Variants in CALN1 observed in about 807,000 individuals in gnomAD.
CALN1 encodes the protein calcium-binding protein 8.
CALN1 carries 17 observed loss-of-function variants against 30.6 expected under a neutral mutation model. The observed-to-expected ratio is 0.56, with a 90% CI of 0.38 to 0.83. CALN1 has a LOEUF of 0.83. Among genes scored for constraint, CALN1 ranks in the 40% least tolerant of loss-of-function variants. The pLI, the probability that CALN1 is intolerant of heterozygous loss-of-function variation, is 0.00. For synonymous variants in CALN1, 156 were observed against 131.4 expected (o/e 1.19, Z -1.28); for missense variants, 291 against 354.9 (o/e 0.82, Z 1.45).
chr7:72,318,345 T>G (rs1800630542), intron 2 of CALN1, among the ~76,000 whole-genome samples: 1 of 152,304 alleles, frequency 6.6e-6, no homozygotes, highest in Admixed American at 6.5e-5. Context: ...TCTCCAATAG[T>G]GTCTCAACTA....
At chr7:72,381,121 C>A (rs1271929587) in intron 2 of CALN1, among the ~76,000 whole-genome samples, 1 of 152,144 alleles carries the variant, frequency 6.6e-6, no homozygotes. Flanking sequence ...TCCCAGAATG[C>A]AGACGGAAAG....
intron 3 of CALN1, among the ~76,000 whole-genome samples, chr7:72,212,000 T>C (rs1226100507): frequency 6.6e-6 from 1 of 152,188 alleles, no homozygotes; most frequent in Non-Finnish European, 1.5e-5. Context: ...AACCGTTTTT[T>C]ATGGCTCCTA....
At chr7:72,297,993 A>G (rs1020751128) in intron 2 of CALN1, among the ~76,000 whole-genome samples, 1 of 152,242 alleles carries the variant, frequency 6.6e-6, no homozygotes. Context: ...TAGAGTTTGT[A>G]GATAGTGCAC....
In CALN1 at chr7:72,060,497, C is replaced by T. The variant is rs117194821; in HGVS notation, c.389-36728G>A. On this transcript the variant is annotated intron_variant, in intron 4 of 6. Coordinates refer to ENST00000395275, the MANE Select transcript of CALN1 (RefSeq NM_031468.4). The stretch of plus-strand genomic sequence containing the variant: ...TACCCCGCCATTTTGTGTATGAAAT[C>T]CTGGGCTCACCTGTAAGTTGTTCAT... Among the ~76,000 whole-genome samples the T allele has an allele frequency of 2.6e-4, 39 of 152,220 alleles. No homozygotes were observed. In the East Asian group the frequency reaches 3.7e-3, roughly 14 times the overall value.
intron 2 of CALN1, among the ~76,000 whole-genome samples, chr7:72,380,145 T>C (rs781381003): frequency 3.3e-5 from 5 of 152,146 alleles, no homozygotes; most frequent in Admixed American, 2.6e-4. Flanking sequence ...GAAAATCCAA[T>C]AGTCAGACAA....
chr7:72,336,279 G>C (rs577090169), intron 2 of CALN1, among the ~76,000 whole-genome samples: 1 of 152,298 alleles, frequency 6.6e-6, no homozygotes, highest in East Asian at 1.9e-4. Flanking sequence ...CCTGGGCTGC[G>C]GTGCGGCTCC....
At chr7:72,463,899 G>A in the CALN1 span, among the ~76,000 whole-genome samples, 1 of 146,508 alleles carries the variant, frequency 6.8e-6, no homozygotes, top group Admixed American at 6.9e-5. Context: ...CTTAGAAGCA[G>A]GAGGATCACT....
chr7:72,157,271 G>C (rs1787765847), intron 3 of CALN1, among the ~76,000 whole-genome samples: 1 of 152,132 alleles, frequency 6.6e-6, no homozygotes, highest in Non-Finnish European at 1.5e-5. Context: ...ATAAGACATG[G>C]TCCATGTCCT....
At chr7:72,261,062 C>CT (rs1392575605) in intron 3 of CALN1, among the ~76,000 whole-genome samples, 1 of 152,206 alleles carries the variant, frequency 6.6e-6, no homozygotes, top group Non-Finnish European at 1.5e-5. Context: ...AATCCCAGCA[C>CT]TTTGAGAGGC....
intron 5 of CALN1, among the ~76,000 whole-genome samples, chr7:71,862,698 G>T (rs994929190): frequency 2.0e-5 from 3 of 152,174 alleles, no homozygotes; most frequent in African/African-American, 7.2e-5. Context: ...ATGCAATCTT[G>T]ATAAGCTCAC....
At chr7:72,368,856 C>T (rs1299816631) in intron 2 of CALN1, among the ~76,000 whole-genome samples, 1 of 149,080 alleles carries the variant, frequency 6.7e-6, no homozygotes, top group East Asian at 1.9e-4. Context: ...ACACTGTTGC[C>T]CAGGCTGGAG....
chr7:72,336,718 G>GGGCTCCGCAGCCCGGCAGCCGA (rs1333309268), intron 2 of CALN1: 5 of 985,324 alleles, frequency 5.1e-6, no homozygotes, highest in African/African-American at 1.7e-5. Context: ...TGCTGGGCCG[G>GGGCTCCGCAGCCCGGCAGCCGA]GGCTCCGCAG....
At chr7:71,975,453 G>C (rs1160804683) in intron 5 of CALN1, among the ~76,000 whole-genome samples, 1 of 151,908 alleles carries the variant, frequency 6.6e-6, no homozygotes, top group Non-Finnish European at 1.5e-5. Flanking sequence ...AAAGAAGGGG[G>C]TCTTGTTCTG....
At chr7:72,344,400 T>TAAAGTGAA (rs1197105106) in intron 2 of CALN1, among the ~76,000 whole-genome samples, 5 of 152,076 alleles carry the variant, frequency 3.3e-5, no homozygotes, top group Admixed American at 2.6e-4. Context: ...AAATATGTTG[T>TAAAGTGAA]AAAGTGAAAA....
intron 5 of CALN1, among the ~76,000 whole-genome samples, chr7:71,904,933 A>ATTTC (rs58947232): frequency 0.11 from 17,393 of 151,818 alleles, 1,665 homozygotes; most frequent in East Asian, 0.42. Context: ...TTTGTTCTTA[A>ATTTC]TTTCTTTATT....
At chr7:72,009,358 A>G (rs532953924) in intron 5 of CALN1, among the ~76,000 whole-genome samples, 8 of 152,356 alleles carry the variant, frequency 5.3e-5, no homozygotes, top group Non-Finnish European at 1.2e-4. Context: ...TTCAAAACTT[A>G]CACTACAAAT....
chr7:72,062,192 T>A (rs1196866684), intron 4 of CALN1, among the ~76,000 whole-genome samples: 4 of 151,986 alleles, frequency 2.6e-5, no homozygotes, highest in Admixed American at 6.6e-5. Context: ...CTAAAAAAAA[T>A]TTTAAAGGAT....
chr7:72,200,755 G>C (rs868124407), intron 3 of CALN1, among the ~76,000 whole-genome samples: 2 of 152,194 alleles, frequency 1.3e-5, no homozygotes, highest in South Asian at 4.1e-4. Flanking sequence ...TGCTCTGTTG[G>C]TTTAAAGCAA....
At chr7:71,949,687 G>A (rs1356278170) in intron 5 of CALN1, among the ~76,000 whole-genome samples, 2 of 151,886 alleles carry the variant, frequency 1.3e-5, no homozygotes, top group Non-Finnish European at 2.9e-5. Context: ...GCCTTAGAGG[G>A]TATTTAAACC....
Sources: allele counts gnomAD v4.1 joint callset (sites outside exome capture counted in the v4.1 genomes callset), GRCh38; gene constraint gnomAD v4.1.1; transcripts MANE v1.5; gene names NCBI Gene and HGNC (gene_info 2026-07-23, HGNC 2026-07-21).